ACOT7: variants seen among roughly 807,000 people sequenced by gnomAD.
The protein encoded by ACOT7 is acyl-CoA thioesterase 7.
A neutral mutation model predicts 40.2 loss-of-function variants in ACOT7; 12 were observed. The ratio of observed to expected loss-of-function variants is 0.30; its 90% CI spans 0.19 to 0.48. The LOEUF is 0.48. ACOT7 is among the 20% of genes least tolerant of loss of function. ACOT7 has a pLI of 0.99. For missense variants in ACOT7, 395 were observed against 530.8 expected (o/e 0.74, Z 2.51); for synonymous variants, 228 against 219.5 (o/e 1.04, Z -0.34).
intron 2 of ACOT7, among the ~76,000 whole-genome samples, chr1:6,340,472 G>T (rs569506427): frequency 6.6e-6 from 1 of 152,236 alleles, no homozygotes; most frequent in African/African-American, 2.4e-5. Context: ...GAAAATTTGG[G>T]AAATACAGAA....
chr1:6,361,606 C>T (rs965267453), intron 1 of ACOT7, among the ~76,000 whole-genome samples: 2 of 152,092 alleles, frequency 1.3e-5, no homozygotes, highest in Non-Finnish European at 2.9e-5. Context: ...TTGACACCAG[C>T]CTGGCCAACA....
At chr1:6,339,658 G>T in intron 2 of ACOT7, 69 bp from the exon 3 acceptor site, 1 of 1,560,686 alleles carries the variant, frequency 6.4e-7, no homozygotes, top group African/African-American at 1.4e-5. Context: ...CCCAGGACAT[G>T]CCCCCTGGAA....
At chr1:6,349,051 T>G (rs1425954630) in intron 2 of ACOT7, among the ~76,000 whole-genome samples, 1 of 152,172 alleles carries the variant, frequency 6.6e-6, no homozygotes, top group African/African-American at 2.4e-5. Flanking sequence ...CGCCCTGTCC[T>G]CAGCACCCAA....
Position 6,327,375 on chromosome 1 carries a change from C to T in ACOT7, c.549G>A (p.Arg183=), listed in dbSNP as rs146126231. Reference sequence around the variant, plus strand: ...TGCGCTCCAGCTTCTGGGCTTCATACCGCTTCCGGCCCTCCTCCTCCTGCT... The same window carrying T: ...TGCGCTCCAGCTTCTGGGCTTCATATCGCTTCCGGCCCTCCTCCTCCTGCT... The part of the protein sequence containing the change: ...RQEQEEEGRK[R]YEAQKLERME... The change falls in exon 5 of 9, where the codon CGG becomes CGA. Residue 183 remains arginine (R), a synonymous_variant. Coordinates refer to ENST00000361521, the MANE Select transcript of ACOT7 (RefSeq NM_007274.4). 31 of 1,614,090 alleles carry T rather than the reference C, an allele frequency of 1.9e-5. No homozygotes were observed. The highest frequency in any genetic ancestry group is 3.3e-4 in the Middle Eastern group (2 of 6,084).
At chr1:6,295,772 A>G (rs1048226078) in intron 6 of ACOT7, among the ~76,000 whole-genome samples, 5 of 152,048 alleles carry the variant, frequency 3.3e-5, no homozygotes, top group Non-Finnish European at 5.9e-5. Context: ...ATAAGGGATT[A>G]GGGGGATATG....
chr1:6,366,088 G>T (rs1391643158), intron 1 of ACOT7, among the ~76,000 whole-genome samples: 1 of 151,796 alleles, frequency 6.6e-6, no homozygotes, highest in East Asian at 2.0e-4. Context: ...TAGAGACAGG[G>T]TCTCACTATG....
At chr1:6,371,967 C>T (rs111303840) in intron 1 of ACOT7, among the ~76,000 whole-genome samples, 2 of 152,028 alleles carry the variant, frequency 1.3e-5, no homozygotes, top group African/African-American at 4.8e-5. Flanking sequence ...ATCTCTTGAA[C>T]CTGAGAGGTG....
intron 7 of ACOT7, among the ~76,000 whole-genome samples, chr1:6,287,316 C>T (rs1639532625): frequency 6.6e-6 from 1 of 152,256 alleles, no homozygotes; most frequent in Non-Finnish European, 1.5e-5. Context: ...GAGCTCTGGT[C>T]CCAGAGACCA....
chr1:6,360,599 G>A (rs201627641), intron 1 of ACOT7: 1 of 1,614,220 alleles, frequency 6.2e-7, no homozygotes, highest in East Asian at 2.2e-5. Flanking sequence ...AACAGGCCCT[G>A]TCGACTTCCT....
At position 6,380,603 on chromosome 1, in the gene ACOT7, CAAG is replaced by C. The variant is rs1396222689; in HGVS notation, c.143+12651_143+12653del. ...GACCGTCTCAAAAAAAAAAAAAAAACAAGAAGACGACCTCTCAATGGGGAAAGA... is the reference window on the plus strand; with the variant it reads ...GACCGTCTCAAAAAAAAAAAAAAAACAAGACGACCTCTCAATGGGGAAAGA... On this transcript the variant is annotated intron_variant, in intron 1 of 8. Coordinates refer to ENST00000361521, the MANE Select transcript of ACOT7 (RefSeq NM_007274.4). Among the ~76,000 whole-genome samples, 166 of 120,566 alleles carry C rather than the reference CAAG, an allele frequency of 1.4e-3. 1 individual carries two copies. Among genetic ancestry groups the C allele is most frequent in the African/African-American group, 4.8e-3 (156 of 32,206 alleles). The allele number at this position is 120,566 out of a possible 152,430, so 79.1% of individuals were successfully genotyped here.
chr1:6,379,242 C>G (rs1328695434), intron 1 of ACOT7, among the ~76,000 whole-genome samples: 10 of 151,788 alleles, frequency 6.6e-5, no homozygotes, highest in Non-Finnish European at 1.2e-4. Context: ...ATAAATGACC[C>G]TCAGGTATAA....
At chr1:6,368,212 A>C (rs1442326241) in intron 1 of ACOT7, among the ~76,000 whole-genome samples, 1 of 152,082 alleles carries the variant, frequency 6.6e-6, no homozygotes, top group Non-Finnish European at 1.5e-5. Flanking sequence ...CCTTCTACCC[A>C]GGAGCCTGTC....
intron 1 of ACOT7, among the ~76,000 whole-genome samples, chr1:6,368,198 G>A (rs1205998537): frequency 6.6e-6 from 1 of 152,158 alleles, no homozygotes; most frequent in African/African-American, 2.4e-5. Context: ...CTGGGGACCA[G>A]ACCCCTTCTA....
rs1639385534 is a variant in ACOT7 at position 6,282,547 on chromosome 1, AC to A, written c.830-1262del. Among the ~76,000 whole-genome samples, 1 of 151,728 alleles carries A rather than the reference AC, an allele frequency of 6.6e-6. No individual in the cohort carries two copies. The highest frequency in any genetic ancestry group is 2.4e-5 in the African/African-American group (1 of 41,290). On this transcript the variant is annotated intron_variant, in intron 7 of 8. Transcript: ENST00000361521. This position sits in a 1 kb window ranked among gnomAD's most constrained non-coding sequence, Gnocchi z 4.5. ...GGGACTTTTTAATGTGGCCTCTGGA[AC>A]CCCCAGTGTCCTAGCTGCACCGAGA...
At chr1:6,349,710 G>A (rs1379426262) in intron 2 of ACOT7, 39 bp downstream of exon 2, 11 of 1,579,676 alleles carry the variant, frequency 7.0e-6, no homozygotes, top group African/African-American at 5.4e-5. Flanking sequence ...ACACTGGTGC[G>A]GCCTCCAGGG....
At chr1:6,286,313 A>G (rs1639501169) in intron 7 of ACOT7, among the ~76,000 whole-genome samples, 2 of 152,278 alleles carry the variant, frequency 1.3e-5, no homozygotes, top group Non-Finnish European at 2.9e-5. Context: ...ATGCTTGTTT[A>G]GTTCTGGGGA....
rs1390321912 is a variant in ACOT7, at chr1:6,301,184, G to A, written c.713-6204C>T. Among the ~76,000 whole-genome samples, 2 of 152,222 alleles carry A rather than the reference G, an allele frequency of 1.3e-5. No individual in the cohort carries two copies. Among genetic ancestry groups the A allele is most frequent in the African/African-American group, 2.4e-5 (1 of 41,456 alleles). On this transcript the variant is annotated intron_variant, in intron 6 of 8. Transcript: ENST00000361521. This position sits in a 1 kb window ranked among gnomAD's most constrained non-coding sequence, Gnocchi z 4.1. Reference sequence around the variant, plus strand: ...GAAGGAGGAGGGAAAGGAAGGGTTCGTGTTGGATTTAATGTTCAGAACTTA... The same window carrying A: ...GAAGGAGGAGGGAAAGGAAGGGTTCATGTTGGATTTAATGTTCAGAACTTA...
intron 1 of ACOT7, among the ~76,000 whole-genome samples, chr1:6,371,362 CTT>C (rs377275678): frequency 9.8e-5 from 14 of 143,096 alleles, no homozygotes; most frequent in Admixed American, 2.1e-4. Flanking sequence ...TCAGCCTGTC[CTT>C]TTTTTTTTTT....
intron 7 of ACOT7, among the ~76,000 whole-genome samples, chr1:6,286,428 G>A: frequency 6.6e-6 from 1 of 152,190 alleles, no homozygotes; most frequent in East Asian, 1.9e-4. Flanking sequence ...GTCTCATCAG[G>A]AAAGGCAGGG....
Sources: gnomAD v4.1 joint callset for allele counts (sites outside exome capture counted in the v4.1 genomes callset) on GRCh38, gnomAD v4.1.1 for gene constraint, Gnocchi (gnomAD v3.1) non-coding constraint, MANE v1.5 for transcripts, NCBI Gene and HGNC (gene_info 2026-07-23, HGNC 2026-07-21) for gene names.